Variants in SLC8A1 observed in about 807,000 individuals in gnomAD.
The protein encoded by SLC8A1 is sodium/calcium exchanger 1.
In SLC8A1, 18 loss-of-function variants were observed where a neutral mutation model predicts 68.3. That is an observed-to-expected ratio of 0.26 (90% CI 0.18 to 0.39). The LOEUF (loss-of-function observed/expected upper bound fraction) is 0.39, where lower values mean the gene tolerates loss of function less well. Among genes scored for constraint, SLC8A1 ranks in the 10% least tolerant of loss-of-function variants. The pLI, the probability that SLC8A1 is intolerant of heterozygous loss-of-function variation, is 1.00. For missense variants in SLC8A1, 985 were observed against 1,156.7 expected, an observed-to-expected ratio of 0.85 and a Z score of 2.15; for synonymous variants, 475 against 415.5, an observed-to-expected ratio of 1.14 and a Z score of -1.74.
intron 6 of SLC8A1, among the ~76,000 whole-genome samples, chr2:40,148,400 CTT>C (rs1479391259): frequency 1.5e-4 from 23 of 152,204 alleles, no homozygotes; most frequent in Non-Finnish European, 2.5e-4. Flanking sequence ...TCTCATAACT[CTT>C]TTCCTGATCT....
intron 2 of SLC8A1, chr2:40,195,857 A>G (rs907546374): frequency 6.6e-6 from 1 of 152,066 alleles, no homozygotes; most frequent in Non-Finnish European, 1.5e-5. Flanking sequence ...GAGCTAATAG[A>G]CTTTTTTCCA....
chr2:40,511,999 G>A (rs1356502513), intron 1 of SLC8A1, among the ~76,000 whole-genome samples: 2 of 152,134 alleles, frequency 1.3e-5, no homozygotes, highest in East Asian at 3.9e-4. Flanking sequence ...AAAATACACA[G>A]TGAGTCTCAG....
At chr2:40,435,263 T>C (rs559661901) in intron 1 of SLC8A1, among the ~76,000 whole-genome samples, 1 of 152,246 alleles carries the variant, frequency 6.6e-6, no homozygotes, top group East Asian at 1.9e-4. Context: ...TAAATCCTTA[T>C]CCACTACCAA....
At chr2:40,161,469 C>A (rs1339561822) in intron 5 of SLC8A1, among the ~76,000 whole-genome samples, 2 of 152,140 alleles carry the variant, frequency 1.3e-5, no homozygotes, top group Admixed American at 6.6e-5. Flanking sequence ...CACAAAAATA[C>A]AAGAAAAGTT....
chr2:40,194,818 G>C (rs2052643775), intron 2 of SLC8A1, among the ~76,000 whole-genome samples: 1 of 150,934 alleles, frequency 6.6e-6, no homozygotes, highest in Non-Finnish European at 1.5e-5. Context: ...GGCCAAGACT[G>C]GAACTCAACC....
chr2:40,215,672 G>C (rs968965225), intron 2 of SLC8A1, among the ~76,000 whole-genome samples: 6 of 133,142 alleles, frequency 4.5e-5, no homozygotes, highest in African/African-American at 1.7e-4. Context: ...AAAAAAAAAA[G>C]TTATGTAAAG....
At chr2:40,244,525 T>G (rs1484934106) in intron 2 of SLC8A1, among the ~76,000 whole-genome samples, 2 of 147,546 alleles carry the variant, frequency 1.4e-5, no homozygotes. Flanking sequence ...ATGTTGTTTT[T>G]GGAGCTGAGT....
chr2:40,445,047 G>C (rs1701190002), intron 1 of SLC8A1, among the ~76,000 whole-genome samples: 1 of 152,182 alleles, frequency 6.6e-6, no homozygotes, highest in African/African-American at 2.4e-5. Flanking sequence ...CTTCAGTAAT[G>C]AGCTAACAGT....
At chr2:40,491,029 C>A (rs955843926) in intron 1 of SLC8A1, among the ~76,000 whole-genome samples, 3 of 152,054 alleles carry the variant, frequency 2.0e-5, no homozygotes, top group African/African-American at 7.2e-5. Flanking sequence ...AAAACCAACA[C>A]GAAAGTGTCT....
rs1480859602 is a variant in SLC8A1 at position 40,236,327 on chromosome 2, T to G, written c.1809-58472A>C. Among the ~76,000 whole-genome samples the G allele has an allele frequency of 7.2e-5, 11 of 152,292 alleles. No individual in the cohort carries two copies. In the South Asian group the frequency reaches 1.7e-3, roughly 23 times the overall value. On this transcript the variant is annotated intron_variant, in intron 2 of 7. Coordinates refer to ENST00000406785, the Ensembl canonical transcript of SLC8A1. ...TATTTAGGATAGTTAGCTCTTCTTG[T>G]TGAATTGATCTCTTTACCATTATGT...
At chr2:40,361,185 G>A (rs535024928) in intron 2 of SLC8A1, among the ~76,000 whole-genome samples, 1 of 152,274 alleles carries the variant, frequency 6.6e-6, no homozygotes, top group African/African-American at 2.4e-5. Flanking sequence ...CATGAATGGA[G>A]TTTAATGGCT....
intron 7 of SLC8A1, among the ~76,000 whole-genome samples, chr2:40,135,942 T>G (rs1227066888): frequency 1.3e-5 from 2 of 152,168 alleles, no homozygotes; most frequent in Non-Finnish European, 2.9e-5. Context: ...ATGTCTGGCA[T>G]CAATATAGGG....
chr2:40,228,365 T>A (rs1248881819), intron 2 of SLC8A1, among the ~76,000 whole-genome samples: 2 of 152,230 alleles, frequency 1.3e-5, no homozygotes, highest in African/African-American at 2.4e-5. Context: ...TTAGTCTTCA[T>A]GTTTATGGCT....
chr2:40,488,657 C>T (rs368751052), intron 1 of SLC8A1, among the ~76,000 whole-genome samples: 3 of 152,200 alleles, frequency 2.0e-5, no homozygotes, highest in Non-Finnish European at 2.9e-5. Flanking sequence ...TACTAAGCCA[C>T]GAATCTCCTA....
chr2:40,251,402 A>G (rs1270622636), intron 2 of SLC8A1: 1 of 152,192 alleles, frequency 6.6e-6, no homozygotes, highest in Non-Finnish European at 1.5e-5. Context: ...GCTTCATCTC[A>G]GAAGAGCAGG....
At chr2:40,316,421 T>A (rs1490333781) in intron 2 of SLC8A1, among the ~76,000 whole-genome samples, 2 of 152,036 alleles carry the variant, frequency 1.3e-5, no homozygotes, top group African/African-American at 4.8e-5. Flanking sequence ...TCCTATTAAT[T>A]TGAACGTCGT....
intron 1 of SLC8A1, among the ~76,000 whole-genome samples, chr2:40,460,173 T>C (rs574933207): frequency 1.3e-5 from 2 of 152,336 alleles, no homozygotes; most frequent in Admixed American, 1.3e-4. Flanking sequence ...GATATATGAA[T>C]TATGTATCTC....
At chr2:40,110,249 A>T (rs2034477320) in exon 8 of SLC8A1, 1 of 152,076 alleles carries the variant, frequency 6.6e-6, no homozygotes, top group South Asian at 2.1e-4. Context: ...TAAGCTCCCA[A>T]CATGAAATAT....
intron 1 of SLC8A1, among the ~76,000 whole-genome samples, chr2:40,432,047 A>C (rs759017988): frequency 6.6e-6 from 1 of 152,156 alleles, no homozygotes; most frequent in Non-Finnish European, 1.5e-5. Context: ...AAAATATGCA[A>C]AAGTTCTGGT....
Sources: gnomAD v4.1 joint callset for allele counts (sites outside exome capture counted in the v4.1 genomes callset) on GRCh38, gnomAD v4.1.1 for gene constraint, MANE v1.5 for transcripts, NCBI Gene and HGNC (gene_info 2026-07-23, HGNC 2026-07-21) for gene names.